TPO: variants seen among roughly 807,000 people sequenced by gnomAD.
TPO encodes thyroid microsomal antigen.
TPO carries 78 observed loss-of-function variants against 96.9 expected under a neutral mutation model. The observed-to-expected ratio is 0.81, with a 90% CI of 0.67 to 0.97. The LOEUF is 0.97. Among genes scored for constraint, TPO ranks in the 50% least tolerant of loss-of-function variants. The probability of loss-of-function intolerance (pLI) is 0.00; values close to 1 mark genes in which losing one functional copy is unlikely to be tolerated. For synonymous variants in TPO, 547 were observed against 538.0 expected (o/e 1.02, Z -0.23); for missense variants, 1,252 against 1,274.8 (o/e 0.98, Z 0.27).
At position 1,537,022 on chromosome 2, in the gene TPO, G is replaced by T. The variant is rs537474373; in HGVS notation, c.2619-3572G>T. ...CTCAAATCCCCCCACTGTGTGCAAC[G>T]TCCTCAAATACCCCCACTGTGTGCA... On this transcript the variant is annotated intron_variant, in intron 15 of 16. Transcript: ENST00000329066. Among the ~76,000 whole-genome samples, 44 of 13,818 alleles carry T rather than the reference G, an allele frequency of 3.2e-3. 1 individual carries two copies. Among genetic ancestry groups the T allele is most frequent in the African/African-American group, 0.014 (19 of 1,356 alleles). The allele number at this position is 13,818 out of a possible 152,430, so 9.1% of individuals were successfully genotyped here.
At chr2:1,517,165 AAATAATGAAAGTGGAG>A (rs1674802175) in intron 15 of TPO, among the ~76,000 whole-genome samples, 183 bp downstream of exon 15, 1 of 152,210 alleles carries the variant, frequency 6.6e-6, no homozygotes, top group Non-Finnish European at 1.5e-5. Flanking sequence ...ATTATGCTTT[AAATAATGAAAGTGGAG>A]TGATCATTTG....
At chr2:1,526,761 G>C (rs1676613745) in intron 15 of TPO, among the ~76,000 whole-genome samples, 1 of 100,982 alleles carries the variant, frequency 9.9e-6, no homozygotes, top group Non-Finnish European at 1.8e-5. Context: ...CCACCACTCT[G>C]TGCAACCTCC....
intron 2 of TPO, among the ~76,000 whole-genome samples, chr2:1,415,753 G>A (rs113779058): frequency 4.4e-3 from 674 of 152,314 alleles, no homozygotes; most frequent in African/African-American, 0.015. Flanking sequence ...TCCCAGGACT[G>A]GAGGCCTTGT....
intron 13 of TPO, among the ~76,000 whole-genome samples, chr2:1,500,896 C>T (rs775485309): frequency 1.2e-4 from 18 of 149,582 alleles, no homozygotes; most frequent in East Asian, 2.0e-4. Flanking sequence ...TGCTTGAACC[C>T]GGGAGATGGA....
upstream of TPO, among the ~76,000 whole-genome samples, chr2:1,411,149 G>A (rs577939642): frequency 5.3e-5 from 8 of 151,992 alleles, no homozygotes; most frequent in African/African-American, 1.2e-4. Context: ...ACTTTTCTCC[G>A]CTCCCCTCTC....
At chr2:1,443,962 G>GAAC (rs112699650) in intron 5 of TPO, among the ~76,000 whole-genome samples, 6,432 of 127,362 alleles carry the variant, frequency 0.051, 240 homozygotes, top group East Asian at 0.11. Context: ...TGTTGGAAGG[G>GAAC]AACGGGGCAG....
intron 15 of TPO, among the ~76,000 whole-genome samples, chr2:1,532,895 C>A (rs1425145704): frequency 9.9e-6 from 1 of 101,020 alleles, no homozygotes; most frequent in African/African-American, 4.9e-5. Flanking sequence ...TTGCAACCTC[C>A]CAAAATCTCC....
Position 1,496,061 on chromosome 2 carries a change from G to A in TPO, c.2079G>A (p.Arg693=). The stretch of plus-strand genomic sequence containing the variant: ...AGCTGGAGAAGCACTCCCTGTCTCG[G>A]GTCATCTGTGACAACACTGGCCTCA... ...RRELEKHSLS[R]VICDNTGLTR... is the part of the protein sequence containing the mutation. The change falls in exon 12 of 17, where the codon CGG becomes CGA. Residue 693 remains arginine (R), a synonymous_variant. Transcript: ENST00000329066. 1 of 1,613,984 alleles carries A rather than the reference G, an allele frequency of 6.2e-7. No individual in the cohort carries two copies. Among genetic ancestry groups the A allele is most frequent in the Non-Finnish European group, 8.5e-7 (1 of 1,180,012 alleles).
intron 15 of TPO, among the ~76,000 whole-genome samples, chr2:1,540,041 G>A (rs1275211128): frequency 6.6e-6 from 1 of 152,170 alleles, no homozygotes; most frequent in Admixed American, 6.5e-5. Context: ...AAAGGTCCCA[G>A]CCTCACCAGA....
At chr2:1,511,959 T>C (rs1674177972) in intron 14 of TPO, among the ~76,000 whole-genome samples, 1 of 152,230 alleles carries the variant, frequency 6.6e-6, no homozygotes, top group African/African-American at 2.4e-5. Context: ...TAAACTAATT[T>C]CCAATATTTT....
At chr2:1,475,407 G>A (rs1669799188) in intron 7 of TPO, among the ~76,000 whole-genome samples, 1 of 151,466 alleles carries the variant, frequency 6.6e-6, no homozygotes, top group Non-Finnish European at 1.5e-5. Flanking sequence ...GGCTCTCAGT[G>A]GAAGCGCTTT....
chr2:1,485,356 C>T (rs1026516303), intron 9 of TPO, among the ~76,000 whole-genome samples: 3 of 152,140 alleles, frequency 2.0e-5, no homozygotes, highest in African/African-American at 4.8e-5. Context: ...AATAGTGCTG[C>T]AATAAACATA....
chr2:1,475,919 C>T (rs1351191212), intron 7 of TPO, among the ~76,000 whole-genome samples: 10 of 152,192 alleles, frequency 6.6e-5, no homozygotes, highest in African/African-American at 2.2e-4. Context: ...TTTGCTGCTT[C>T]ACCACAAGGC....
chr2:1,489,145 T>A (rs1402216914), intron 10 of TPO, among the ~76,000 whole-genome samples: 2 of 138,984 alleles, frequency 1.4e-5, no homozygotes, highest in African/African-American at 5.6e-5. Context: ...GACCAGCACA[T>A]GCCCAGCACA....
intron 1 of TPO, among the ~76,000 whole-genome samples, chr2:1,379,008 C>T (rs2148339972): frequency 6.6e-6 from 1 of 152,196 alleles, no homozygotes; most frequent in South Asian, 2.1e-4. Context: ...TGTGATAAGC[C>T]AAATAAACTT....
At chr2:1,528,811 G>A in intron 15 of TPO, among the ~76,000 whole-genome samples, 1 of 107,620 alleles carries the variant, frequency 9.3e-6, no homozygotes. Context: ...CCCCCACTGT[G>A]AGCAACCTCC....
intron 14 of TPO, among the ~76,000 whole-genome samples, chr2:1,510,036 A>C (rs922907886): frequency 6.6e-6 from 1 of 151,866 alleles, no homozygotes; most frequent in Non-Finnish European, 1.5e-5. Flanking sequence ...TTTCCCCCTC[A>C]CACTCATTGT....
intron 14 of TPO, among the ~76,000 whole-genome samples, chr2:1,514,024 A>G (rs185770516): frequency 1.7e-4 from 26 of 152,302 alleles, no homozygotes; most frequent in Admixed American, 1.4e-3. Flanking sequence ...GATATGTGAA[A>G]GCATCTCTAT....
upstream of TPO, among the ~76,000 whole-genome samples, chr2:1,413,234 T>C (rs917100834): frequency 6.6e-6 from 1 of 152,168 alleles, no homozygotes; most frequent in East Asian, 1.9e-4. Context: ...GTATAATTTT[T>C]CCCCTCTTCT....
Sources: allele counts gnomAD v4.1 joint callset (sites outside exome capture counted in the v4.1 genomes callset), GRCh38; gene constraint gnomAD v4.1.1; transcripts MANE v1.5; gene names NCBI Gene and HGNC (gene_info 2026-07-23, HGNC 2026-07-21).